The following PCSK5 variants were observed in gnomAD, a reference collection of about 807,000 sequenced individuals.
PCSK5 encodes the protein proprotein convertase subtilisin/kexin type 5.
Under a neutral mutation model 233.2 loss-of-function variants are expected in PCSK5, and 129 were observed. That is an observed-to-expected ratio of 0.55 (90% CI 0.48 to 0.64). The LOEUF is 0.64. Among genes scored for constraint, PCSK5 ranks in the 30% least tolerant of loss-of-function variants. PCSK5 has a pLI of 0.00. For missense variants in PCSK5, 2,076 were observed against 2,430.1 expected (o/e 0.85, Z 3.06); for synonymous variants, 825 against 879.2 (o/e 0.94, Z 1.09).
intron 7 of PCSK5, among the ~76,000 whole-genome samples, chr9:76,087,162 TAAG>T (rs1489982512): frequency 5.9e-5 from 9 of 152,334 alleles, no homozygotes; most frequent in South Asian, 2.1e-4. Flanking sequence ...TTGATAAAGT[TAAG>T]AAGCAGTGTT....
intron 13 of PCSK5, among the ~76,000 whole-genome samples, chr9:76,171,957 A>C (rs1823349728): frequency 6.6e-6 from 1 of 151,910 alleles, no homozygotes; most frequent in Non-Finnish European, 1.5e-5. Context: ...GTGTATGTGC[A>C]TGTGTCTATA....
chr9:76,005,658 G>C (rs1827446334), intron 3 of PCSK5, among the ~76,000 whole-genome samples: 1 of 152,146 alleles, frequency 6.6e-6, no homozygotes, highest in South Asian at 2.1e-4. Context: ...CACATACTTT[G>C]TGGTTGTTTT....
intron 6 of PCSK5, 64 bp downstream of exon 6, chr9:76,068,107 T>C: frequency 8.8e-7 from 1 of 1,131,226 alleles, no homozygotes. Context: ...TGACTGGCTT[T>C]CAGAATCCTT....
intron 35 of PCSK5, among the ~76,000 whole-genome samples, chr9:76,339,267 G>A (rs1829764529): frequency 6.6e-6 from 1 of 151,890 alleles, no homozygotes; most frequent in Admixed American, 6.6e-5. Context: ...AAACTTTCTA[G>A]AAAAATATTA....
At chr9:76,016,987 G>C (rs1328335831) in intron 3 of PCSK5, among the ~76,000 whole-genome samples, 4 of 151,368 alleles carry the variant, frequency 2.6e-5, no homozygotes, top group African/African-American at 9.8e-5. Flanking sequence ...CATTATGTCT[G>C]GCACTCTTAA....
chr9:75,920,544 C>A (rs946786177), intron 1 of PCSK5, among the ~76,000 whole-genome samples: 2 of 152,044 alleles, frequency 1.3e-5, no homozygotes, highest in Non-Finnish European at 2.9e-5. Flanking sequence ...ATGGGTCATG[C>A]TTGTAGTCCC....
intron 30 of PCSK5, among the ~76,000 whole-genome samples, chr9:76,319,626 C>T (rs905666470): frequency 5.3e-5 from 8 of 151,968 alleles, no homozygotes; most frequent in African/African-American, 1.2e-4. Flanking sequence ...CTTAGCAGAC[C>T]GCGAAAGGGA....
At chr9:76,123,384 A>G (rs972772759) in intron 9 of PCSK5, among the ~76,000 whole-genome samples, 2 of 152,194 alleles carry the variant, frequency 1.3e-5, no homozygotes, top group Non-Finnish European at 2.9e-5. Context: ...CATATTTTAT[A>G]GATAGTTGTA....
rs7040769 is a variant in PCSK5 at position 75,891,271 on chromosome 9, T to C, written c.90T>C (p.Cys30=). ...TCGGGGGCTGCCTGCTCCCCGTGTG[T>C]CGGACGCGCGTCTACACCAACCACT... The part of the protein sequence containing the change: ...ALLGGCLLPV[C]RTRVYTNHWA... The change falls in exon 1 of 38, where the codon TGT becomes TGC. Residue 30 remains cysteine, a synonymous_variant. Transcript: ENST00000674117. 0.15 allele frequency: 227,380 copies of C among 1,529,892 alleles called. 22,194 individuals are homozygous for C. The highest frequency in any genetic ancestry group is 0.49 in the African/African-American group (33,752 of 68,788). 94.8% of individuals were successfully genotyped at this position (1,529,892 alleles called of 1,614,324 possible). A position where few individuals can be genotyped will look rare whatever the true frequency, so the allele number is the denominator to read the frequency against.
intron 2 of PCSK5, among the ~76,000 whole-genome samples, chr9:75,958,088 C>T (rs1825174911): frequency 6.6e-6 from 1 of 152,194 alleles, no homozygotes; most frequent in South Asian, 2.1e-4. Flanking sequence ...CCCTATCTAT[C>T]TAACTGGGTG....
intron 37 of PCSK5, 35 bp from the exon 38 acceptor site, chr9:76,358,478 C>T: frequency 1.9e-6 from 3 of 1,557,996 alleles, no homozygotes; most frequent in Non-Finnish European, 2.6e-6. Context: ...CACTTTTTCC[C>T]TCTTGCCTCT....
chr9:76,007,953 A>G (rs1166995135), intron 3 of PCSK5, among the ~76,000 whole-genome samples: 1 of 152,078 alleles, frequency 6.6e-6, no homozygotes, highest in East Asian at 1.9e-4. Flanking sequence ...TTCTCCATCA[A>G]GTCTTCAACG....
intron 9 of PCSK5, among the ~76,000 whole-genome samples, chr9:76,133,896 G>T (rs1822862228): frequency 1.3e-5 from 2 of 151,998 alleles, no homozygotes; most frequent in African/African-American, 2.4e-5. Context: ...TCAGTTTAAG[G>T]TTACATTTTC....
intron 13 of PCSK5, among the ~76,000 whole-genome samples, chr9:76,172,496 C>G (rs1274511793): frequency 1.3e-5 from 2 of 152,040 alleles, no homozygotes; most frequent in East Asian, 1.9e-4. Flanking sequence ...AAGGATATCC[C>G]TAGTGGGCTT....
chr9:76,009,781 A>C (rs748803909), intron 3 of PCSK5, among the ~76,000 whole-genome samples: 2 of 152,206 alleles, frequency 1.3e-5, no homozygotes, highest in Non-Finnish European at 2.9e-5. Flanking sequence ...ACAAAAGCTA[A>C]GGAATAACCG....
chr9:76,149,189 A>G (rs1040011285), intron 10 of PCSK5, among the ~76,000 whole-genome samples: 4 of 152,226 alleles, frequency 2.6e-5, no homozygotes, highest in African/African-American at 4.8e-5. Flanking sequence ...AGTGGCAGAA[A>G]CTGAGAAGGA....
At position 76,358,611 on chromosome 9, in the gene PCSK5, G is replaced by A. The variant is rs552933288; in HGVS notation, c.5353G>A (p.Gly1785Arg). 36 of 1,612,736 alleles carry A rather than the reference G, an allele frequency of 2.2e-5. No individual in the cohort carries two copies. The highest frequency in any genetic ancestry group is 1.6e-4 in the South Asian group (15 of 91,072). The change falls in exon 38 of 38, where the codon GGG becomes AGG. Residue 1785 changes from glycine (G) to arginine (R), a missense_variant. Physicochemically the swap from Gly to Arg is moderately radical, Grantham distance 125 (BLOSUM62 -2). This residue lies in a region of PCSK5 where 1,510 missense variants were observed against 1,538.1 expected (regional missense o/e 0.98). Transcript: ENST00000674117. ...TSSMMLVLLLGAAVVVWKKSR... is the reference protein window; with the variant it reads ...TSSMMLVLLLRAAVVVWKKSR... Reference sequence around the variant, plus strand: ...CTCCATGATGCTGGTGCTTCTGCTCGGGGCAGCTGTGGTAGTGTGGAAGAA... The same window carrying A: ...CTCCATGATGCTGGTGCTTCTGCTCAGGGCAGCTGTGGTAGTGTGGAAGAA...
chr9:76,193,418 A>AAAAT, intron 20 of PCSK5: 1 of 1,184,836 alleles, frequency 8.4e-7, no homozygotes, highest in Non-Finnish European at 1.1e-6. Context: ...AAAAAGAAAA[A>AAAAT]AGCCAAAAAG....
intron 36 of PCSK5, among the ~76,000 whole-genome samples, chr9:76,353,404 C>T (rs1830218615): frequency 6.6e-6 from 1 of 152,146 alleles, no homozygotes; most frequent in Non-Finnish European, 1.5e-5. Context: ...ATCCAGTAAC[C>T]ACAGAGGCCA....
Sources: allele counts gnomAD v4.1 joint callset (sites outside exome capture counted in the v4.1 genomes callset), GRCh38; gene constraint gnomAD v4.1.1; regional missense constraint gnomAD v4.1.1; transcripts MANE v1.5; gene names NCBI Gene and HGNC (gene_info 2026-07-23, HGNC 2026-07-21).